Variants in WWOX observed in about 807,000 individuals in gnomAD.
WWOX encodes WW domain-containing oxidoreductase.
A neutral mutation model predicts 46.2 loss-of-function variants in WWOX; 69 were observed. The observed-to-expected ratio is 1.49, with a 90% CI of 1.23 to 1.82. The LOEUF is 1.82. Among genes scored for constraint, WWOX ranks in the 40% most tolerant of loss-of-function variants. The pLI is 0.00. For missense variants in WWOX, 919 were observed against 542.6 expected (o/e 1.69, Z -6.89); for synonymous variants, 359 against 202.6 (o/e 1.77, Z -6.56).
At chr16:78,175,512 A>T (rs1597310508) in intron 5 of WWOX, among the ~76,000 whole-genome samples, 1 of 151,808 alleles carries the variant, frequency 6.6e-6, no homozygotes, top group African/African-American at 2.4e-5. Context: ...CTTCTTGCTC[A>T]CTCTCTTGGA....
intron 8 of WWOX, among the ~76,000 whole-genome samples, chr16:78,864,310 A>G (rs1308039645): frequency 6.6e-6 from 1 of 150,572 alleles, no homozygotes; most frequent in Non-Finnish European, 1.5e-5. Context: ...TCTGTTGCCC[A>G]GGCTGGAGTG....
intron 5 of WWOX, among the ~76,000 whole-genome samples, chr16:78,278,131 G>T (rs1020135245): frequency 3.9e-5 from 6 of 152,130 alleles, no homozygotes; most frequent in Non-Finnish European, 8.8e-5. Context: ...TTGGCGGTTT[G>T]CTGGTATTAT....
intron 8 of WWOX, among the ~76,000 whole-genome samples, chr16:79,133,050 G>C (rs1597403676): frequency 6.6e-6 from 1 of 152,132 alleles, no homozygotes; most frequent in Admixed American, 6.5e-5. Context: ...TGAAGCTTTT[G>C]AAAAGAAAAC....
In WWOX at chr16:78,944,214, C is replaced by A. The variant is rs1279194143; in HGVS notation, c.1057-267394C>A. Among the ~76,000 whole-genome samples, 15 of 152,104 alleles carry A rather than the reference C, an allele frequency of 9.9e-5. 1 individual carries two copies. The highest frequency in any genetic ancestry group is 3.9e-4 in the Admixed American group (6 of 15,282). On this transcript the variant is annotated intron_variant, in intron 8 of 8. Coordinates refer to ENST00000566780, the MANE Select transcript of WWOX (RefSeq NM_016373.4). The stretch of plus-strand genomic sequence containing the variant: ...ATCCCATCCTTCTGGATAATCTCTT[C>A]TACCCTCCCTTTCCAGATAAAAGTT...
chr16:78,200,053 A>G (rs974811378), intron 5 of WWOX, among the ~76,000 whole-genome samples: 2 of 152,212 alleles, frequency 1.3e-5, no homozygotes, highest in South Asian at 4.1e-4. Flanking sequence ...AGCTGTAGGA[A>G]TGGCAAGGGA....
At chr16:79,090,936 G>A (rs1279149493) in intron 8 of WWOX, among the ~76,000 whole-genome samples, 2 of 152,182 alleles carry the variant, frequency 1.3e-5, no homozygotes, top group African/African-American at 2.4e-5. Flanking sequence ...TGGGACTACA[G>A]GCATTCATGC....
At chr16:78,861,040 G>C (rs368981722) in intron 8 of WWOX, among the ~76,000 whole-genome samples, 1 of 151,786 alleles carries the variant, frequency 6.6e-6, no homozygotes, top group East Asian at 1.9e-4. Context: ...GGCTTGTCTC[G>C]AACTCCTGGG....
At chr16:78,275,262 T>G (rs1040286751) in intron 5 of WWOX, among the ~76,000 whole-genome samples, 11 of 152,148 alleles carry the variant, frequency 7.2e-5, no homozygotes, top group Non-Finnish European at 1.5e-4. Context: ...GATTCTTGGT[T>G]TCTCTTAAAA....
intron 8 of WWOX, among the ~76,000 whole-genome samples, chr16:78,970,039 A>C (rs555525101): frequency 6.6e-6 from 1 of 152,314 alleles, no homozygotes; most frequent in South Asian, 2.1e-4. Flanking sequence ...AAATTGTATG[A>C]AAACTGTGAT....
At chr16:78,374,406 T>G (rs1040487491) in intron 5 of WWOX, among the ~76,000 whole-genome samples, 54 of 152,130 alleles carry the variant, frequency 3.5e-4, no homozygotes, top group African/African-American at 1.2e-3. Flanking sequence ...GCTTCTTAAA[T>G]TCATTTTCAG....
chr16:78,525,237 G>A (rs1374455354), intron 8 of WWOX: 1 of 143,304 alleles, frequency 7.0e-6, no homozygotes, highest in Non-Finnish European at 1.5e-5. Context: ...CCAGGCTGGT[G>A]TGCAGTGGCA....
chr16:79,133,513 T>G (rs1389186896), intron 8 of WWOX, among the ~76,000 whole-genome samples: 1 of 152,240 alleles, frequency 6.6e-6, no homozygotes, highest in Non-Finnish European at 1.5e-5. Flanking sequence ...TTTTAGTATA[T>G]TTAAACTTCA....
At chr16:79,150,034 T>G (rs1316233515) in intron 8 of WWOX, among the ~76,000 whole-genome samples, 2 of 152,250 alleles carry the variant, frequency 1.3e-5, no homozygotes, top group African/African-American at 2.4e-5. Flanking sequence ...AATGCTTTTC[T>G]GGTCAAATAC....
chr16:78,150,550 T>C (rs918604132), intron 4 of WWOX, among the ~76,000 whole-genome samples: 2 of 152,048 alleles, frequency 1.3e-5, no homozygotes, highest in Admixed American at 1.3e-4. Context: ...GGCTAAGTTT[T>C]TTTGTTTTGT....
At chr16:78,684,108 A>T (rs190463019) in intron 8 of WWOX, among the ~76,000 whole-genome samples, 15 of 152,150 alleles carry the variant, frequency 9.9e-5, no homozygotes, top group Non-Finnish European at 1.9e-4. Flanking sequence ...GTTCAACTCA[A>T]CCTCATGGCA....
At chr16:78,914,356 G>C (rs1342188465) in intron 8 of WWOX, among the ~76,000 whole-genome samples, 1 of 152,034 alleles carries the variant, frequency 6.6e-6, no homozygotes, top group East Asian at 1.9e-4. Flanking sequence ...ACAGTACCTG[G>C]CATATAGGAT....
intron 4 of WWOX, among the ~76,000 whole-genome samples, chr16:78,157,684 G>C (rs1305031013): frequency 2.6e-5 from 4 of 152,230 alleles, no homozygotes; most frequent in Non-Finnish European, 5.9e-5. Context: ...TCAGCAATGA[G>C]GTTAAATTGT....
chr16:78,617,430 CTG>C lies in WWOX; in HGVS notation c.1056+184681_1056+184682del, dbSNP rs979096507. Among the ~76,000 whole-genome samples the C allele has an allele frequency of 1.1e-4, 17 of 150,610 alleles. No individual in the cohort carries two copies. In the South Asian group the frequency reaches 1.7e-3, roughly 15 times the overall value. ...AAAAAAAAAAAAAAAAGTGACCACACTGTGGCTTTGCTGCTTTGCCTAAGTAT... is the reference window on the plus strand; with the variant it reads ...AAAAAAAAAAAAAAAAGTGACCACACTGGCTTTGCTGCTTTGCCTAAGTAT... On this transcript the variant is annotated intron_variant, in intron 8 of 8. Coordinates refer to ENST00000566780, the MANE Select transcript of WWOX (RefSeq NM_016373.4).
intron 8 of WWOX, among the ~76,000 whole-genome samples, chr16:78,543,855 C>G (rs1290106503): frequency 6.6e-6 from 1 of 152,142 alleles, no homozygotes. Context: ...CTGCTTATGA[C>G]TCTGAAACCC....
Sources: allele counts gnomAD v4.1 joint callset (sites outside exome capture counted in the v4.1 genomes callset), GRCh38; gene constraint gnomAD v4.1.1; transcripts MANE v1.5; gene names NCBI Gene and HGNC (gene_info 2026-07-23, HGNC 2026-07-21).